The following TBC1D5 variants were observed in gnomAD, a reference collection of about 807,000 sequenced individuals.
TBC1D5 encodes the protein TBC1 domain family member 5.
In TBC1D5, 75 loss-of-function variants were observed where a neutral mutation model predicts 100.3. That is an observed-to-expected ratio of 0.75 (90% CI 0.62 to 0.91). TBC1D5 has a LOEUF of 0.91. Among genes scored for constraint, TBC1D5 ranks in the 40% least tolerant of loss-of-function variants. The probability of loss-of-function intolerance (pLI) is 0.00; values close to 1 mark genes in which losing one functional copy is unlikely to be tolerated. For missense variants in TBC1D5, 910 were observed against 942.4 expected (o/e 0.97, Z 0.45); for synonymous variants, 323 against 325.6 (o/e 0.99, Z 0.09).
chr3:17,167,702 C>A (rs755045578), intron 20 of TBC1D5, 47 bp downstream of exon 21: 3 of 1,578,836 alleles, frequency 1.9e-6, no homozygotes, highest in Non-Finnish European at 2.6e-6. Flanking sequence ...GGGCCCTCCC[C>A]GCGGCAGGCG....
intron 18 of TBC1D5, among the ~76,000 whole-genome samples, chr3:17,186,885 A>G (rs2125555265): frequency 6.6e-6 from 1 of 152,148 alleles, no homozygotes; most frequent in East Asian, 1.9e-4. Context: ...CTCCTCCAAT[A>G]CTCAAATAAG....
chr3:17,208,828 T>C (rs1243197495), intron 18 of TBC1D5, among the ~76,000 whole-genome samples: 1 of 152,240 alleles, frequency 6.6e-6, no homozygotes, highest in Admixed American at 6.5e-5. Flanking sequence ...TTCTCATTTG[T>C]TATTCTCTTA....
At chr3:17,537,482 C>A (rs2096293695) in intron 2 of TBC1D5, among the ~76,000 whole-genome samples, 1 of 152,090 alleles carries the variant, frequency 6.6e-6, no homozygotes, top group African/African-American at 2.4e-5. Flanking sequence ...TTTTTCTTGG[C>A]CAAGAGGGGG....
chr3:17,551,768 A>G (rs2096475903), intron 2 of TBC1D5, among the ~76,000 whole-genome samples: 1 of 152,128 alleles, frequency 6.6e-6, no homozygotes, highest in Non-Finnish European at 1.5e-5. Context: ...ACAACAAGCA[A>G]TTTTTATTAA....
chr3:17,715,708 G>A (rs2075167196), intron 1 of TBC1D5, among the ~76,000 whole-genome samples: 1 of 151,920 alleles, frequency 6.6e-6, no homozygotes, highest in South Asian at 2.1e-4. Flanking sequence ...AGGCTGAGGT[G>A]GAAAGATCGC....
chr3:17,256,809 G>C (rs1438211315), intron 16 of TBC1D5, among the ~76,000 whole-genome samples: 1 of 152,180 alleles, frequency 6.6e-6, no homozygotes, highest in Non-Finnish European at 1.5e-5. Flanking sequence ...GGGATAGAGT[G>C]AATAGGGGAG....
intron 2 of TBC1D5, among the ~76,000 whole-genome samples, chr3:17,601,596 TA>T (rs1370780857): frequency 1.3e-5 from 2 of 152,210 alleles, no homozygotes; most frequent in East Asian, 3.9e-4. Context: ...CTAATGAGAT[TA>T]ATTCCTTAGC....
At chr3:17,517,324 A>AG (rs1469856606) in intron 2 of TBC1D5, among the ~76,000 whole-genome samples, 1 of 152,222 alleles carries the variant, frequency 6.6e-6, no homozygotes, top group Non-Finnish European at 1.5e-5. Flanking sequence ...TGGAACTAAA[A>AG]GGTTAGTTCA....
intron 8 of TBC1D5, among the ~76,000 whole-genome samples, chr3:17,387,608 T>C (rs1392381074): frequency 6.6e-6 from 1 of 151,942 alleles, no homozygotes; most frequent in Non-Finnish European, 1.5e-5. Flanking sequence ...TGATGATATG[T>C]TGTAAGTTTC....
At chr3:17,378,115 A>G (rs1007988159) in intron 9 of TBC1D5, among the ~76,000 whole-genome samples, 2 of 151,930 alleles carry the variant, frequency 1.3e-5, no homozygotes, top group African/African-American at 4.8e-5. Flanking sequence ...GAAAAGCAAA[A>G]ACCAAAATAA....
intron 13 of TBC1D5, among the ~76,000 whole-genome samples, chr3:17,320,454 T>A (rs776733808): frequency 6.6e-6 from 1 of 152,214 alleles, no homozygotes; most frequent in Non-Finnish European, 1.5e-5. Flanking sequence ...TTTAAGAGTG[T>A]ATAAGAGGAT....
At chr3:17,193,270 G>A (rs2070207481) in intron 18 of TBC1D5, among the ~76,000 whole-genome samples, 1 of 152,180 alleles carries the variant, frequency 6.6e-6, no homozygotes, top group African/African-American at 2.4e-5. Flanking sequence ...TGCAGGGCAA[G>A]ACCACAAGGT....
chr3:17,612,411 G>A (rs1053265063), intron 2 of TBC1D5, among the ~76,000 whole-genome samples: 9 of 151,418 alleles, frequency 5.9e-5, no homozygotes, highest in African/African-American at 1.9e-4. Flanking sequence ...GTGGATCACC[G>A]GAGGTCAGGA....
intron 1 of TBC1D5, among the ~76,000 whole-genome samples, chr3:17,630,005 C>A (rs1485627689): frequency 6.6e-6 from 1 of 152,164 alleles, no homozygotes; most frequent in Non-Finnish European, 1.5e-5. Context: ...AACAGAGGAA[C>A]TGTACCAAGA....
At chr3:17,534,904 T>C (rs1576569706) in intron 2 of TBC1D5, among the ~76,000 whole-genome samples, 2 of 152,176 alleles carry the variant, frequency 1.3e-5, no homozygotes, top group East Asian at 1.9e-4. Flanking sequence ...GGTGGTTGTT[T>C]TAATGACTTT....
intron 13 of TBC1D5, among the ~76,000 whole-genome samples, chr3:17,367,416 A>C (rs2092214326): frequency 6.6e-6 from 1 of 152,168 alleles, no homozygotes; most frequent in South Asian, 2.1e-4. Context: ...TACCACAAAA[A>C]TGACTCTTAA....
At chr3:17,255,046 A>T (rs1393307155) in intron 16 of TBC1D5, among the ~76,000 whole-genome samples, 1 of 152,198 alleles carries the variant, frequency 6.6e-6, no homozygotes, top group Admixed American at 6.5e-5. Context: ...TGAAGACATA[A>T]ATTAAGGACC....
chr3:17,431,572 C>A (rs924550424), intron 3 of TBC1D5, among the ~76,000 whole-genome samples: 9 of 151,882 alleles, frequency 5.9e-5, no homozygotes, highest in Non-Finnish European at 8.8e-5. Context: ...AACAATTCAT[C>A]AATTACTTGT....
At chr3:17,702,563 C>G (rs2073363591) in intron 1 of TBC1D5, among the ~76,000 whole-genome samples, 1 of 152,036 alleles carries the variant, frequency 6.6e-6, no homozygotes, top group Non-Finnish European at 1.5e-5. Context: ...TGTCCAAAAT[C>G]TAATCAACAG....
Sources: allele counts gnomAD v4.1 joint callset (sites outside exome capture counted in the v4.1 genomes callset), GRCh38; gene constraint gnomAD v4.1.1; transcripts MANE v1.5; gene names NCBI Gene and HGNC (gene_info 2026-07-23, HGNC 2026-07-21).